C13orf46: variants seen among roughly 807,000 people sequenced by gnomAD.
The protein encoded by C13orf46 is chromosome 13 open reading frame 46.
the C13orf46 span, among the ~76,000 whole-genome samples, chr13:113,933,777 A>T: frequency 6.6e-6 from 1 of 152,330 alleles, no homozygotes; most frequent in African/African-American, 2.4e-5. Flanking sequence ...AAGTTGCCGA[A>T]TAGTACAGAG....
chr13:113,945,848 T>C, the C13orf46 span, among the ~76,000 whole-genome samples: 13 of 152,230 alleles, frequency 8.5e-5, no homozygotes, highest in Middle Eastern at 3.4e-3. Flanking sequence ...GATCTGGCCA[T>C]TGCCAGTCTT....
chr13:113,955,562 CATCTCGTGGAGAG>C lies in C13orf46; in HGVS notation c.*1198_*1210del, dbSNP rs2052521047. On this transcript the variant is annotated 3_prime_UTR_variant, in exon 7 of 7. Coordinates refer to ENST00000636427, the MANE Select transcript of C13orf46 (RefSeq NM_001365455.2). The stretch of plus-strand genomic sequence containing the variant: ...AGGAGCATCTCGTGGAGAGGAGGAG[CATCTCGTGGAGAG>C]GAGGAGCATCTCGTGGAGCGGAGGA... 1 of 148,152 alleles carries C rather than the reference CATCTCGTGGAGAG, an allele frequency of 6.7e-6. No homozygotes were observed. The highest frequency in any genetic ancestry group is 7.0e-5 in the Admixed American group (1 of 14,210). 9.2% of individuals were successfully genotyped at this position (148,152 alleles called of 1,614,324 possible).
In C13orf46 at chr13:113,954,166, G is replaced by A. The variant is rs2052502147; in HGVS notation, c.*2607C>T. On this transcript the variant is annotated 3_prime_UTR_variant, in exon 7 of 7. Coordinates refer to ENST00000636427, the MANE Select transcript of C13orf46 (RefSeq NM_001365455.2). ...CCTCTGGGAGCCTCTGCATTATCAT[G>A]TGCACCACAGGGACGGCCCCCATGT... 6.6e-6 allele frequency: 1 copy of A among 152,230 alleles called. No homozygotes were observed. Among genetic ancestry groups the A allele is most frequent in the African/African-American group, 2.4e-5 (1 of 41,452 alleles). 9.4% of individuals were successfully genotyped at this position (152,230 alleles called of 1,614,324 possible). A position where few individuals can be genotyped will look rare whatever the true frequency, so the allele number is the denominator to read the frequency against.
At chr13:113,929,671 A>G in the C13orf46 span, among the ~76,000 whole-genome samples, 4 of 152,186 alleles carry the variant, frequency 2.6e-5, no homozygotes, top group African/African-American at 9.6e-5. Context: ...ATCACTGACC[A>G]CGCAGGGCCA....
At chr13:113,945,261 G>T in the C13orf46 span, among the ~76,000 whole-genome samples, 1 of 152,152 alleles carries the variant, frequency 6.6e-6, no homozygotes. Context: ...ACACCACATG[G>T]CTTGTGGTCC....
the C13orf46 span, among the ~76,000 whole-genome samples, chr13:113,943,450 A>G: frequency 6.6e-6 from 1 of 152,216 alleles, no homozygotes; most frequent in Non-Finnish European, 1.5e-5. Context: ...GGGATCAATA[A>G]TAGAAAGGAA....
chr13:113,969,511 G>A (rs2052682090), intron 2 of C13orf46, among the ~76,000 whole-genome samples: 3 of 152,316 alleles, frequency 2.0e-5, no homozygotes, highest in Admixed American at 1.3e-4. Flanking sequence ...CCGCTTCGGC[G>A]GCCGGACACC....
chr13:113,936,577 C>T, the C13orf46 span, among the ~76,000 whole-genome samples: 2 of 152,186 alleles, frequency 1.3e-5, no homozygotes, highest in Admixed American at 1.3e-4. Flanking sequence ...AACAGTTTTA[C>T]ACACGCAGAG....
chr13:113,946,750 C>G, the C13orf46 span, among the ~76,000 whole-genome samples: 1 of 152,366 alleles, frequency 6.6e-6, no homozygotes, highest in African/African-American at 2.4e-5. Flanking sequence ...CCCCTCCACC[C>G]TGGAACAGTA....
chr13:113,962,852 C>T (rs2052598002), intron 6 of C13orf46, among the ~76,000 whole-genome samples: 1 of 152,168 alleles, frequency 6.6e-6, no homozygotes, highest in Admixed American at 6.5e-5. Context: ...TTGGAAAATA[C>T]CTGCCCATTT....
intron 6 of C13orf46, among the ~76,000 whole-genome samples, chr13:113,961,080 T>C (rs2052582914): frequency 1.3e-5 from 2 of 152,236 alleles, no homozygotes; most frequent in Admixed American, 6.5e-5. Context: ...TTTTAAATGA[T>C]CTGTAATTCT....
chr13:113,962,332 G>C (rs1435013152), intron 6 of C13orf46, among the ~76,000 whole-genome samples: 1 of 152,202 alleles, frequency 6.6e-6, no homozygotes, highest in Non-Finnish European at 1.5e-5. Flanking sequence ...CGTGAACCTG[G>C]GGGGCGGAGC....
the C13orf46 span, among the ~76,000 whole-genome samples, chr13:113,945,606 A>AAAGAAAGAGAGAGAGAGAGAGAGAGAG: frequency 3.0e-5 from 1 of 33,582 alleles, no homozygotes; most frequent in African/African-American, 1.2e-4. Flanking sequence ...AGAAAGAAAG[A>AAAGAAAGAGAGAGAGAGAGAGAGAGAG]AGAAAGAAAG....
chr13:113,950,018 C>T (rs1240359161), downstream of C13orf46, among the ~76,000 whole-genome samples: 1 of 140,048 alleles, frequency 7.1e-6, no homozygotes, highest in Non-Finnish European at 1.5e-5. Flanking sequence ...CTGCCTCGGG[C>T]ACCTCGGTGC....
At chr13:113,939,341 GACA>G in the C13orf46 span, among the ~76,000 whole-genome samples, 1 of 150,104 alleles carries the variant, frequency 6.7e-6, no homozygotes, top group African/African-American at 2.5e-5. Context: ...CGATGGGGAG[GACA>G]GAGACCACCC....
At chr13:113,943,575 T>C in the C13orf46 span, among the ~76,000 whole-genome samples, 1 of 152,152 alleles carries the variant, frequency 6.6e-6, no homozygotes, top group Non-Finnish European at 1.5e-5. Flanking sequence ...CAGGTCTGTG[T>C]GGACGTTAAT....
At chr13:113,965,746 GTGATGATGGTGA>G (rs2052631517) in intron 5 of C13orf46, among the ~76,000 whole-genome samples, 7 of 145,542 alleles carry the variant, frequency 4.8e-5, no homozygotes, top group East Asian at 2.1e-4. Context: ...GGTGATGATG[GTGATGATGGTGA>G]TGGTGATGAT....
intron 6 of C13orf46, among the ~76,000 whole-genome samples, chr13:113,963,553 G>A (rs1441291595): frequency 3.9e-5 from 4 of 103,430 alleles, no homozygotes; most frequent in East Asian, 3.4e-4. Flanking sequence ...CTCAGCCCTC[G>A]CTCCAGTCCT....
At chr13:113,928,425 G>C in the C13orf46 span, 1 of 152,406 alleles carries the variant, frequency 6.6e-6, no homozygotes, top group Non-Finnish European at 1.5e-5. Flanking sequence ...GACGCCCTAG[G>C]GCAGGTCCAG....
Sources: gnomAD v4.1 joint callset for allele counts (sites outside exome capture counted in the v4.1 genomes callset) on GRCh38, gnomAD v4.1.1 for gene constraint, MANE v1.5 for transcripts, NCBI Gene and HGNC (gene_info 2026-07-23, HGNC 2026-07-21) for gene names.